The following MTMR2 variants were observed in gnomAD, a reference collection of about 807,000 sequenced individuals.
The protein encoded by MTMR2 is myotubularin related protein 2.
In MTMR2, 55 loss-of-function variants were observed where a neutral mutation model predicts 86.9. The ratio of observed to expected loss-of-function variants is 0.63; its 90% confidence interval spans 0.51 to 0.79. MTMR2 has a LOEUF of 0.79. Ranked by LOEUF, MTMR2 falls within the 30% of genes least tolerant of loss-of-function variation. The pLI is 0.00. For missense variants in MTMR2, 659 were observed against 772.3 expected, an observed-to-expected ratio of 0.85 and a Z score of 1.74; for synonymous variants, 241 against 266.8, an observed-to-expected ratio of 0.90 and a Z score of 0.94.
intron 2 of MTMR2, among the ~76,000 whole-genome samples, chr11:95,885,521 A>G (rs919507077): frequency 6.6e-6 from 1 of 152,122 alleles, no homozygotes; most frequent in Non-Finnish European, 1.5e-5. Flanking sequence ...AAAAGATCTG[A>G]CTGAAAGAAC....
rs534574048 is a variant in MTMR2, at chr11:95,914,420, G to C, written c.80+9455C>G. 4.2e-6 allele frequency: 4 copies of C among 958,842 alleles called. No individual in the cohort carries two copies. The African/African-American group carries it at 7.0e-5, about 17-fold the overall frequency. 59.4% of individuals were successfully genotyped at this position (958,842 alleles called of 1,614,324 possible). A position where few individuals can be genotyped will look rare whatever the true frequency, so the allele number is the denominator to read the frequency against. ...CAGGGCAGGGAGTGGTGGGGAGGAG[G>C]CTTTGGCAATTACTTGCTTCATACT... On this transcript the variant is annotated intron_variant, in intron 1 of 14. Transcript: ENST00000346299.
intron 7 of MTMR2, among the ~76,000 whole-genome samples, chr11:95,852,002 GT>G (rs896452869): frequency 9.9e-5 from 15 of 152,104 alleles, no homozygotes; most frequent in African/African-American, 3.1e-4. Context: ...ATCCTTCACT[GT>G]ATACAAAATT....
At chr11:95,890,041 C>T (rs1056168189) in intron 1 of MTMR2, among the ~76,000 whole-genome samples, 1 of 152,158 alleles carries the variant, frequency 6.6e-6, no homozygotes, top group South Asian at 2.1e-4. Context: ...CTGCCTATAA[C>T]AAGAATAACT....
chr11:95,863,799 A>G (rs1346869747), intron 3 of MTMR2, among the ~76,000 whole-genome samples: 1 of 152,172 alleles, frequency 6.6e-6, no homozygotes, highest in Non-Finnish European at 1.5e-5. Context: ...TCTAAGTACA[A>G]TACAAAAATT....
chr11:95,850,074 T>C (rs1305949512), intron 8 of MTMR2, among the ~76,000 whole-genome samples: 1 of 152,116 alleles, frequency 6.6e-6, no homozygotes, highest in Non-Finnish European at 1.5e-5. Flanking sequence ...GATACTGATT[T>C]AGGAAAGTAT....
chr11:95,889,133 C>CTTT (rs374185094), intron 1 of MTMR2, among the ~76,000 whole-genome samples: 2 of 143,536 alleles, frequency 1.4e-5, no homozygotes, highest in African/African-American at 2.6e-5. Context: ...TCCTATAGAA[C>CTTT]TTTTTTTTTT....
In MTMR2 at chr11:95,849,748, T is replaced by C; in HGVS notation, c.919A>G (p.Met307Val). 6.2e-7 allele frequency: 1 copy of C among 1,614,138 alleles called. No individual in the cohort carries two copies. Among genetic ancestry groups the C allele is most frequent in the Non-Finnish European group, 8.5e-7 (1 of 1,179,976 alleles). Reference sequence around the variant, plus strand: ...TTGTGAGACTGGGCATTGGAATCCATGATAGCTTGAAGGTATTTTTCATCT... The same window carrying C: ...TTGTGAGACTGGGCATTGGAATCCACGATAGCTTGAAGGTATTTTTCATCT... Reference protein sequence around the residue: ...KEDEKYLQAIMDSNAQSHKIF... With the variant: ...KEDEKYLQAIVDSNAQSHKIF... Residue 307 changes from methionine to valine, a missense_variant, in exon 9 of 15, where the codon ATG becomes GTG. Transcript: ENST00000346299.
Position 95,862,064 on chromosome 11 carries a change from T to A in MTMR2, c.396A>T (p.Ile132=). ...CACCACCAATTTTTTCTACTCTATTTATCACACCAAGGGAAGCATCTAAAA... is the reference window on the plus strand; with the variant it reads ...CACCACCAATTTTTTCTACTCTATTAATCACACCAAGGGAAGCATCTAAAA... ...PFVLDASLGV[I]NRVEKIGGAS... The change falls in exon 5 of 15, where the codon ATA becomes ATT. Residue 132 remains isoleucine, a synonymous_variant. Coordinates refer to ENST00000346299, the MANE Select transcript of MTMR2 (RefSeq NM_016156.6). 1 of 1,613,926 alleles carries A rather than the reference T, an allele frequency of 6.2e-7. No individual in the cohort carries two copies.
chr11:95,845,882 T>TAAAAAAAAAA (rs201863810), intron 10 of MTMR2, among the ~76,000 whole-genome samples: 2 of 90,096 alleles, frequency 2.2e-5, no homozygotes, highest in East Asian at 2.9e-4. Flanking sequence ...TATGGTATCT[T>TAAAAAAAAAA]AAAAAAAAAA....
At chr11:95,884,669 A>C (rs1018244988) in intron 2 of MTMR2, among the ~76,000 whole-genome samples, 1 of 152,164 alleles carries the variant, frequency 6.6e-6, no homozygotes, top group African/African-American at 2.4e-5. Context: ...TTTAATTGTT[A>C]GAAGCACATC....
intron 2 of MTMR2, among the ~76,000 whole-genome samples, chr11:95,883,505 G>A (rs1199434246): frequency 6.6e-6 from 1 of 152,148 alleles, no homozygotes; most frequent in Non-Finnish European, 1.5e-5. Flanking sequence ...AACAAATGAA[G>A]CAAGGAGAAA....
At chr11:95,863,247 C>A (rs1864488375) in intron 3 of MTMR2, among the ~76,000 whole-genome samples, 1 of 152,168 alleles carries the variant, frequency 6.6e-6, no homozygotes, top group South Asian at 2.1e-4. Context: ...GGAGCAACAA[C>A]TTTCTAAGAC....
intron 3 of MTMR2, among the ~76,000 whole-genome samples, chr11:95,864,219 T>A (rs1042808079): frequency 2.0e-5 from 3 of 152,028 alleles, no homozygotes; most frequent in Non-Finnish European, 4.4e-5. Flanking sequence ...CATCAGCCAA[T>A]ATATGGCAAG....
chr11:95,855,425 AT>A (rs1182722198), intron 7 of MTMR2, among the ~76,000 whole-genome samples: 1 of 149,818 alleles, frequency 6.7e-6, no homozygotes, highest in Non-Finnish European at 1.5e-5. Context: ...GCTAATTTTT[AT>A]TTTTTTGTAT....
At chr11:95,846,908 G>C (rs1863817335) in intron 10 of MTMR2, among the ~76,000 whole-genome samples, 1 of 152,032 alleles carries the variant, frequency 6.6e-6, no homozygotes. Context: ...TATTCAGTTT[G>C]GTTTTCTCTT....
rs138629353 is a variant in MTMR2 at position 95,888,405 on chromosome 11, A to G, written c.81-144T>C. The G allele has an allele frequency of 3.3e-4, 216 of 651,624 alleles. 2 individuals carry two copies. Among genetic ancestry groups the G allele is most frequent in the Non-Finnish European group, 5.2e-4 (191 of 368,548 alleles). The allele number at this position is 651,624 out of a possible 1,614,324, so 40.4% of individuals were successfully genotyped here. A position where few individuals can be genotyped will look rare whatever the true frequency, so the allele number is the denominator to read the frequency against. ...CTTTGCCTATTCAATCTTATCTCTA[A>G]GTCTTAACAAATTACAAACTATTCC... On this transcript the variant is annotated intron_variant, in intron 1 of 14. Transcript: ENST00000346299.
At chr11:95,884,011 G>C (rs547505660) in intron 2 of MTMR2, among the ~76,000 whole-genome samples, 1 of 152,300 alleles carries the variant, frequency 6.6e-6, no homozygotes, top group South Asian at 2.1e-4. Context: ...AAGCAATGAG[G>C]CTATGTGAAG....
intron 1 of MTMR2, among the ~76,000 whole-genome samples, chr11:95,900,905 C>T (rs1565381307): frequency 6.6e-6 from 1 of 152,134 alleles, no homozygotes; most frequent in African/African-American, 2.4e-5. Context: ...GGAACAAAAC[C>T]AGGGGCCTTG....
At chr11:95,847,928 C>T (rs374575076) in intron 9 of MTMR2, 29 bp from the exon 10 acceptor site, 1,050 of 1,595,316 alleles carry the variant, frequency 6.6e-4, no homozygotes, top group Non-Finnish European at 7.0e-4. Context: ...CATGGAAAAT[C>T]ATAAATGAAT....
Sources: allele counts gnomAD v4.1 joint callset (sites outside exome capture counted in the v4.1 genomes callset), GRCh38; gene constraint gnomAD v4.1.1; transcripts MANE v1.5; gene names NCBI Gene and HGNC (gene_info 2026-07-23, HGNC 2026-07-21).